Variants in MYT1 observed in about 807,000 individuals in gnomAD.
MYT1 encodes myelin transcription factor I.
Under a neutral mutation model 123.0 loss-of-function variants are expected in MYT1, and 23 were observed. The observed-to-expected ratio is 0.19, with a 90% CI of 0.13 to 0.26. The LOEUF (loss-of-function observed/expected upper bound fraction) is 0.26, where lower values mean the gene tolerates loss of function less well. MYT1 is among the 10% of genes least tolerant of loss of function. The probability of loss-of-function intolerance (pLI) is 1.00; values close to 1 mark genes in which losing one functional copy is unlikely to be tolerated. For synonymous variants in MYT1, 518 were observed against 575.3 expected, an observed-to-expected ratio of 0.90 and a Z score of 1.43; for missense variants, 1,125 against 1,472.5, an observed-to-expected ratio of 0.76 and a Z score of 3.86.
chr20:64,230,368 C>T (rs1464130368), intron 18 of MYT1, among the ~76,000 whole-genome samples: 1 of 152,142 alleles, frequency 6.6e-6, no homozygotes, highest in Non-Finnish European at 1.5e-5. Flanking sequence ...CAAAAATCAG[C>T]CGGGCGTGGT....
rs1421824494 is a variant in MYT1 at position 64,219,921 on chromosome 20, A to T, written c.2180A>T (p.Glu727Val). 3 of 1,559,506 alleles carry T rather than the reference A, an allele frequency of 1.9e-6. No homozygotes were observed. Among genetic ancestry groups the T allele is most frequent in the Non-Finnish European group, 2.6e-6 (3 of 1,151,750 alleles). ...PQSSQASRQD[E>V]WDRPLDYTKP... is the part of the protein sequence containing the mutation. The stretch of plus-strand genomic sequence containing the variant: ...TCCAGCCAGGCCTCCCGCCAGGACG[A>T]GTGGGACCGGCCCCTGGACTACACC... The change falls in exon 13 of 23, where the codon GAG becomes GTG. Residue 727 changes from glutamate to valine, a missense_variant. Transcript: ENST00000328439.
At chr20:64,228,061 C>T in intron 18 of MYT1, 90 bp downstream of exon 18, 1 of 1,264,390 alleles carries the variant, frequency 7.9e-7, no homozygotes, top group Admixed American at 2.1e-5. Flanking sequence ...ACTAGATTCC[C>T]TTTTCATTAA....
chr20:64,227,679 C>T (rs939290282), intron 17 of MYT1, among the ~76,000 whole-genome samples: 6 of 152,154 alleles, frequency 3.9e-5, no homozygotes, highest in East Asian at 1.9e-4. Context: ...GCTAGGGGCT[C>T]GTGGTAATGC....
In MYT1 at chr20:64,239,822, G is replaced by A; in HGVS notation, c.3156G>A (p.Gln1052=). The A allele has an allele frequency of 6.2e-7, 1 of 1,614,002 alleles. No individual in the cohort carries two copies. Among genetic ancestry groups the A allele is most frequent in the Non-Finnish European group, 8.5e-7 (1 of 1,180,032 alleles). ...IEEENKLIEE[Q]NEALFLELSG... ...AGGAGAACAAGCTCATTGAGGAGCA[G>A]AATGAAGCCCTGTTTCTGGAGCTGT... The change falls in exon 22 of 23, where the codon CAG becomes CAA. Residue 1052 remains glutamine (Q), a synonymous_variant. Transcript: ENST00000328439.
chr20:64,194,027 C>T (rs1378145743), intron 2 of MYT1, among the ~76,000 whole-genome samples: 13 of 152,260 alleles, frequency 8.5e-5, no homozygotes, highest in East Asian at 3.9e-4. Context: ...CCTCTGACCA[C>T]GGCTCTCCAC....
rs142025290 is a variant in MYT1 at position 64,219,770 on chromosome 20, C to T, written c.2029C>T (p.Arg677Cys). 11 of 1,614,128 alleles carry T rather than the reference C, an allele frequency of 6.8e-6. No homozygotes were observed. Among genetic ancestry groups the T allele is most frequent in the African/African-American group, 1.3e-5 (1 of 75,050 alleles). The change falls in exon 13 of 23, where the codon CGC becomes TGC. Residue 677 changes from arginine (R) to cysteine (C), a missense_variant. By Grantham distance (180) the Arg-to-Cys change is radical (BLOSUM62 -3). Coordinates refer to ENST00000328439, the MANE Select transcript of MYT1 (RefSeq NM_004535.3). Reference sequence around the variant, plus strand: ...CCTGGACTTGAGCATGCACAAACACCGCAAACGAGAAAATGCTTTCCCCAG... The same window carrying T: ...CCTGGACTTGAGCATGCACAAACACTGCAAACGAGAAAATGCTTTCCCCAG... Reference protein sequence around the residue: ...GTLDLSMHKHRKRENAFPSSS... With the variant: ...GTLDLSMHKHCKRENAFPSSS...
intron 18 of MYT1, 41 bp downstream of exon 18, chr20:64,228,012 T>G: frequency 1.0e-5 from 16 of 1,587,328 alleles, no homozygotes; most frequent in Non-Finnish European, 1.3e-5. Flanking sequence ...CATTGCGGAA[T>G]TGAGATTTTC....
intron 8 of MYT1, among the ~76,000 whole-genome samples, chr20:64,211,762 A>G (rs1054227182): frequency 3.9e-5 from 6 of 152,222 alleles, no homozygotes; most frequent in African/African-American, 1.4e-4. Context: ...AGCAAACCAC[A>G]GAATGAGAGG....
At chr20:64,220,458 C>T (rs1427300170) in intron 13 of MYT1, among the ~76,000 whole-genome samples, 4 of 152,344 alleles carry the variant, frequency 2.6e-5, no homozygotes, top group South Asian at 4.1e-4. Context: ...GGCAGTTCTA[C>T]GTCCCCGAGA....
chr20:64,195,483 C>A (rs566927615), intron 2 of MYT1, among the ~76,000 whole-genome samples: 64 of 149,500 alleles, frequency 4.3e-4, no homozygotes, highest in African/African-American at 1.5e-3. Context: ...GCAACCTCCA[C>A]CTCCTGGGTT....
At position 64,240,802 on chromosome 20, in the gene MYT1, C is replaced by T. The variant is rs115805592; in HGVS notation, c.*354C>T. The stretch of plus-strand genomic sequence containing the variant: ...GCAACCACAGTATTCCTTTGTCTGT[C>T]GAGGCTGGGAGGGTAGCCGTGAGCG... On this transcript the variant is annotated 3_prime_UTR_variant, in exon 23 of 23. Coordinates refer to ENST00000328439, the MANE Select transcript of MYT1 (RefSeq NM_004535.3). The T allele has an allele frequency of 1.9e-3, 386 of 207,756 alleles. 2 individuals carry two copies. The highest frequency in any genetic ancestry group is 8.5e-3 in the African/African-American group (368 of 43,468). 12.9% of individuals were successfully genotyped at this position (207,756 alleles called of 1,614,324 possible).
At chr20:64,170,885 A>ATATAGAGAGC in intron 1 of MYT1, among the ~76,000 whole-genome samples, 1 of 21,838 alleles carries the variant, frequency 4.6e-5, no homozygotes, top group Non-Finnish European at 7.7e-5. Context: ...ATATATATAT[A>ATATAGAGAGC]GAGAGAGAGA....
At chr20:64,172,428 G>A (rs935541407) in intron 1 of MYT1, among the ~76,000 whole-genome samples, 1 of 152,192 alleles carries the variant, frequency 6.6e-6, no homozygotes, top group Non-Finnish European at 1.5e-5. Context: ...TCTGAACTGG[G>A]GATGAGCCAG....
At chr20:64,198,448 C>T (rs1983195091) in intron 2 of MYT1, among the ~76,000 whole-genome samples, 1 of 152,208 alleles carries the variant, frequency 6.6e-6, no homozygotes, top group Admixed American at 6.5e-5. Context: ...CCTGATGCCT[C>T]AGCACCTGCC....
rs1983713832 is a variant in MYT1 at position 64,212,587 on chromosome 20, G to A, written c.1517+449G>A. Among the ~76,000 whole-genome samples the A allele has an allele frequency of 1.3e-5, 2 of 152,154 alleles. No homozygotes were observed. Among genetic ancestry groups the A allele is most frequent in the African/African-American group, 4.8e-5 (2 of 41,436 alleles). ...GAAGAGAGGTACAACAACCATGTGA[G>A]AGCCAGGTGAATACTTTGTGTCCTA... On this transcript the variant is annotated intron_variant, in intron 9 of 22. Transcript: ENST00000328439. The surrounding 1 kb of genome is among the most constrained non-coding windows in gnomAD (Gnocchi z 6.8).
At chr20:64,219,656 G>T in intron 12 of MYT1, 57 bp from the exon 13 acceptor site, 1 of 1,459,856 alleles carries the variant, frequency 6.8e-7, no homozygotes, top group Admixed American at 1.8e-5. Flanking sequence ...AAATGGACCA[G>T]AAGGCACACA....
rs866789769 is a variant in MYT1, at chr20:64,240,368, G to A, written c.3286G>A (p.Asp1096Asn). Reference protein sequence around the residue: ...NFDAYVSTLTDMYSNQDPENK... With the variant: ...NFDAYVSTLTNMYSNQDPENK... ...CGATGCCTATGTGAGCACCCTCACC[G>A]ACATGTACTCCAACCAGGACCCGGA... The change falls in exon 23 of 23, where the codon GAC becomes AAC. Residue 1096 changes from aspartate to asparagine, a missense_variant. This residue lies in a region of MYT1 where 243 missense variants were observed against 323.1 expected (regional missense o/e 0.75). Coordinates refer to ENST00000328439, the MANE Select transcript of MYT1 (RefSeq NM_004535.3). The A allele has an allele frequency of 1.4e-5, 23 of 1,613,934 alleles. No homozygotes were observed. Among genetic ancestry groups the A allele is most frequent in the East Asian group, 8.9e-5 (4 of 44,904 alleles).
chr20:64,227,439 C>T lies in MYT1; in HGVS notation c.2553C>T (p.Gly851=). 6.2e-7 allele frequency: 1 copy of T among 1,612,862 alleles called. No individual in the cohort carries two copies. The highest frequency in any genetic ancestry group is 8.5e-7 in the Non-Finnish European group (1 of 1,179,896). The change falls in exon 17 of 23, where the codon GGC becomes GGT. Residue 851 remains glycine, a synonymous_variant. Transcript: ENST00000328439. ...GGTGCCCCACGCCCGGCTGTGACGG[C>T]TCTGGCCACATCACAGGGAACTACG... ...DLKCPTPGCD[G]SGHITGNYAS...
intron 5 of MYT1, 77 bp from the exon 6 acceptor site, chr20:64,205,476 G>T: frequency 1.9e-6 from 3 of 1,563,346 alleles, no homozygotes; most frequent in South Asian, 2.5e-5. Flanking sequence ...GAGGACCCTC[G>T]GGAGGGGCTC....
Sources: gnomAD v4.1 joint callset for allele counts (sites outside exome capture counted in the v4.1 genomes callset) on GRCh38, gnomAD v4.1.1 for gene constraint, gnomAD v4.1.1 regional missense constraint, Gnocchi (gnomAD v3.1) non-coding constraint, MANE v1.5 for transcripts, NCBI Gene and HGNC (gene_info 2026-07-23, HGNC 2026-07-21) for gene names.